The following ITSN2 variants were observed in gnomAD, a reference collection of about 807,000 sequenced individuals.
The protein encoded by ITSN2 is intersectin-2.
A neutral mutation model predicts 243.7 loss-of-function variants in ITSN2; 156 were observed. The observed-to-expected ratio is 0.64, with a 90% CI of 0.56 to 0.73. The LOEUF (loss-of-function observed/expected upper bound fraction) is 0.73. ITSN2 is among the 30% of genes least tolerant of loss of function. The pLI, the probability that ITSN2 is intolerant of heterozygous loss-of-function variation, is 0.00. For missense variants in ITSN2, 1,801 were observed against 1,996.1 expected (o/e 0.90, Z 1.86); for synonymous variants, 703 against 699.9 (o/e 1.00, Z -0.07).
chr2:24,275,934 A>G, intron 17 of ITSN2, 85 bp from the exon 18 acceptor site: 1 of 996,256 alleles, frequency 1.0e-6, no homozygotes, highest in South Asian at 2.2e-5. Context: ...GCATTAAAAG[A>G]TAAAAATCCT....
At chr2:24,359,601 A>G (rs149356485) in intron 1 of ITSN2, among the ~76,000 whole-genome samples, 17 of 152,316 alleles carry the variant, frequency 1.1e-4, no homozygotes, top group African/African-American at 2.9e-4. Context: ...GCCTCGGTTT[A>G]CCCACTCACT....
intron 1 of ITSN2, among the ~76,000 whole-genome samples, chr2:24,339,026 T>C (rs1686749466): frequency 6.6e-6 from 1 of 152,070 alleles, no homozygotes; most frequent in Admixed American, 6.6e-5. Flanking sequence ...CATTGTATAG[T>C]GTGCAGATAG....
intron 1 of ITSN2, chr2:24,334,557 G>GGCAA: frequency 1.1e-6 from 1 of 917,118 alleles, no homozygotes; most frequent in Non-Finnish European, 1.8e-6. Context: ...TAAGAAGTGT[G>GGCAA]GCAAGCACCA....
intron 11 of ITSN2, 87 bp downstream of exon 11, chr2:24,301,067 T>C (rs2151666124): frequency 1.4e-6 from 1 of 712,584 alleles, no homozygotes; most frequent in East Asian, 2.8e-5. Flanking sequence ...ATATTAAAAA[T>C]ATAAAAATTC....
intron 9 of ITSN2, 109 bp downstream of exon 9, chr2:24,303,690 G>T: frequency 1.3e-6 from 1 of 765,198 alleles, no homozygotes; most frequent in Non-Finnish European, 2.3e-6. Flanking sequence ...GAGCATCTCT[G>T]AGTCACAAAC....
rs1195029630 is a variant in ITSN2, at chr2:24,303,808, G to A, written c.848C>T (p.Ala283Val). ...TAAGGGACAAACTTACCAAATAGTAGCCAGCTGAGTTTGAGAAAGATTTGA... is the reference window on the plus strand; with the variant it reads ...TAAGGGACAAACTTACCAAATAGTAACCAGCTGAGTTTGAGAAAGATTTGA... ...LQSNLSQTQLATIWTLADVDG... is the reference protein window; with the variant it reads ...LQSNLSQTQLVTIWTLADVDG... The change falls in exon 9 of 40, where the codon GCT becomes GTT. Residue 283 changes from alanine (A) to valine (V), a missense_variant. Physicochemically the swap from Ala to Val is moderately conservative, Grantham distance 64. Transcript: ENST00000355123. 5 of 1,601,118 alleles carry A rather than the reference G, an allele frequency of 3.1e-6. No homozygotes were observed. The highest frequency in any genetic ancestry group is 4.3e-6 in the Non-Finnish European group (5 of 1,168,258).
chr2:24,268,125 G>C (rs6732125), intron 20 of ITSN2, among the ~76,000 whole-genome samples: 186 of 152,274 alleles, frequency 1.2e-3, no homozygotes, highest in African/African-American at 4.2e-3. Flanking sequence ...ATTAATTAAT[G>C]TTAGCAAAAT....
chr2:24,298,596 C>T, intron 13 of ITSN2, 69 bp downstream of exon 13: 1 of 1,461,810 alleles, frequency 6.8e-7, no homozygotes, highest in Non-Finnish European at 9.3e-7. Context: ...ACGCCTGGCC[C>T]ACAATTACAT....
chr2:24,313,555 A>C, intron 3 of ITSN2, 32 bp from the exon 4 acceptor site: 1 of 1,519,858 alleles, frequency 6.6e-7, no homozygotes, highest in Non-Finnish European at 9.1e-7. Flanking sequence ...CCCAAGCAGC[A>C]CATTAGTAAA....
Position 24,204,349 on chromosome 2 carries a change from G to A in ITSN2, c.4832C>T (p.Thr1611Ile), listed in dbSNP as rs1431573441. The stretch of plus-strand genomic sequence containing the variant: ...GTTAAAATTCCACTTGGGATTGAGT[G>A]TGTCCTGGATGGTCCTGGTGGTGTA... ...QSYTTRTIQDTLNPKWNFNCQ... is the reference protein window; with the variant it reads ...QSYTTRTIQDILNPKWNFNCQ... The change falls in exon 39 of 40, where the codon ACA becomes ATA. Residue 1611 changes from threonine (T) to isoleucine (I), a missense_variant. By Grantham distance (89) the Thr-to-Ile change is moderately conservative. Around this residue, in one of 5 missense-constraint regions of ITSN2, gnomAD observed 928 missense variants for 1,065.4 expected, o/e 0.87. Coordinates refer to ENST00000355123, the MANE Select transcript of ITSN2 (RefSeq NM_006277.3). This position sits in a 1 kb window ranked among gnomAD's most constrained non-coding sequence, Gnocchi z 5.1. The A allele has an allele frequency of 6.2e-7, 1 of 1,614,160 alleles. No individual in the cohort carries two copies. The highest frequency in any genetic ancestry group is 8.5e-7 in the Non-Finnish European group (1 of 1,179,980).
chr2:24,297,312 T>A (rs1320503225), intron 13 of ITSN2, among the ~76,000 whole-genome samples: 2 of 152,194 alleles, frequency 1.3e-5, no homozygotes, highest in Admixed American at 6.5e-5. Context: ...CCCTACTATA[T>A]GATCAGGGTA....
intron 37 of ITSN2, among the ~76,000 whole-genome samples, chr2:24,207,989 T>C (rs1011585276): frequency 6.7e-6 from 1 of 148,672 alleles, no homozygotes; most frequent in African/African-American, 2.5e-5. Context: ...TGCAGTGGAG[T>C]GGGGGGGATA....
At chr2:24,252,085 C>T (rs951793651) in intron 25 of ITSN2, among the ~76,000 whole-genome samples, 3 of 152,190 alleles carry the variant, frequency 2.0e-5, no homozygotes, top group African/African-American at 7.2e-5. Context: ...TGAAGCTCAA[C>T]CCTACCCTAC....
At chr2:24,321,399 A>G (rs1197320613) in intron 2 of ITSN2, among the ~76,000 whole-genome samples, 1 of 152,222 alleles carries the variant, frequency 6.6e-6, no homozygotes, top group Non-Finnish European at 1.5e-5. Flanking sequence ...AACGTATATC[A>G]TTGAAAAGTA....
chr2:24,210,636 A>AG, intron 34 of ITSN2, 144 bp downstream of exon 34: 7 of 582,092 alleles, frequency 1.2e-5, no homozygotes, highest in Admixed American at 3.3e-5. Flanking sequence ...AAAAAAAAAG[A>AG]AAAAAAAATG....
intron 17 of ITSN2, among the ~76,000 whole-genome samples, chr2:24,277,234 T>C (rs888828469): frequency 3.9e-5 from 6 of 152,192 alleles, no homozygotes; most frequent in African/African-American, 1.4e-4. Flanking sequence ...AGAAACTTCA[T>C]GGCAAAGGTG....
In ITSN2 at chr2:24,312,385, G is replaced by C; in HGVS notation, c.189-10C>G. The C allele has an allele frequency of 6.3e-7, 1 of 1,594,688 alleles. No homozygotes were observed. Among genetic ancestry groups the C allele is most frequent in the South Asian group, 1.1e-5 (1 of 87,152 alleles). On this transcript the variant is annotated splice_polypyrimidine_tract_variant and intron_variant, in intron 4 of 39. Transcript: ENST00000355123. The stretch of plus-strand genomic sequence containing the variant: ...TAGGTCTGATAAAGCCCTAAAAGGA[G>C]CATGAGGTAGGTAGATTGCTATGTG...
chr2:24,261,457 A>C lies in ITSN2; in HGVS notation c.2537+104T>G. 16 of 1,040,314 alleles carry C rather than the reference A, an allele frequency of 1.5e-5. 1 individual carries two copies. In the South Asian group the frequency reaches 2.5e-4, roughly 16 times the overall value. The allele number at this position is 1,040,314 out of a possible 1,614,324, so 64.4% of individuals were successfully genotyped here. On this transcript the variant is annotated intron_variant, in intron 21 of 39. Coordinates refer to ENST00000355123, the MANE Select transcript of ITSN2 (RefSeq NM_006277.3). The stretch of plus-strand genomic sequence containing the variant: ...AACAAAAAGTAGTCTTGAAGAGTAC[A>C]ACCCGGATTACACTATGATGAAGTA...
intron 1 of ITSN2, among the ~76,000 whole-genome samples, chr2:24,341,428 A>T (rs1354856863): frequency 6.6e-6 from 1 of 152,238 alleles, no homozygotes; most frequent in Non-Finnish European, 1.5e-5. Context: ...AAACACGAGA[A>T]ATCGGGATAC....
Sources: allele counts gnomAD v4.1 joint callset (sites outside exome capture counted in the v4.1 genomes callset), GRCh38; gene constraint gnomAD v4.1.1; regional missense constraint gnomAD v4.1.1; non-coding constraint Gnocchi (gnomAD v3.1); transcripts MANE v1.5; gene names NCBI Gene and HGNC (gene_info 2026-07-23, HGNC 2026-07-21).